The following CELF4 variants were observed in gnomAD, a reference collection of about 807,000 sequenced individuals.
CELF4 encodes the protein CUGBP Elav-like family member 4.
CELF4 carries 18 observed loss-of-function variants against 59.9 expected under a neutral mutation model. The observed-to-expected ratio is 0.30, with a 90% CI of 0.21 to 0.45. The LOEUF (loss-of-function observed/expected upper bound fraction) is 0.45, where lower values mean the gene tolerates loss of function less well. Ranked by LOEUF, CELF4 falls within the 20% of genes least tolerant of loss-of-function variation. The pLI is 1.00. For synonymous variants in CELF4, 261 were observed against 267.1 expected (o/e 0.98, Z 0.22); for missense variants, 456 against 689.0 (o/e 0.66, Z 3.79).
intron 1 of CELF4, among the ~76,000 whole-genome samples, chr18:37,537,843 G>T (rs2099974747): frequency 6.6e-6 from 1 of 152,214 alleles, no homozygotes; most frequent in Non-Finnish European, 1.5e-5. Context: ...GATTTCTCTC[G>T]TCCAACCAGG....
At chr18:37,271,335 AC>A (rs2091186823) in intron 7 of CELF4, among the ~76,000 whole-genome samples, 1 of 144,204 alleles carries the variant, frequency 6.9e-6, no homozygotes, top group Non-Finnish European at 1.5e-5. Flanking sequence ...GCTCACTGCA[AC>A]CTCCACCTCC....
At chr18:37,534,279 C>T (rs1040604098) in intron 1 of CELF4, among the ~76,000 whole-genome samples, 1 of 152,114 alleles carries the variant, frequency 6.6e-6, no homozygotes, top group African/African-American at 2.4e-5. Flanking sequence ...TGGCTGCATA[C>T]TGGGTGCTGG....
chr18:37,483,463 A>T (rs1317435343), intron 2 of CELF4, among the ~76,000 whole-genome samples: 1 of 151,160 alleles, frequency 6.6e-6, no homozygotes, highest in Admixed American at 6.6e-5. Context: ...GTTCGAGGGG[A>T]CTCTAGGCTA....
intron 3 of CELF4, among the ~76,000 whole-genome samples, chr18:37,297,386 C>G (rs764703759): frequency 6.6e-6 from 1 of 152,192 alleles, no homozygotes; most frequent in Non-Finnish European, 1.5e-5. Flanking sequence ...CAGCCTCTCA[C>G]GCTTTCACAT....
intron 2 of CELF4, among the ~76,000 whole-genome samples, chr18:37,405,898 C>A (rs946885459): frequency 4.6e-5 from 7 of 152,164 alleles, no homozygotes; most frequent in African/African-American, 1.7e-4. Flanking sequence ...CCCCTCCAGC[C>A]GGGAGTGGAA....
Position 37,275,250 on chromosome 18 carries a change from C to G in CELF4, c.449-7G>C, listed in dbSNP as rs1414787994. 2 of 1,613,072 alleles carry G rather than the reference C, an allele frequency of 1.2e-6. No individual in the cohort carries two copies. Among genetic ancestry groups the G allele is most frequent in the Non-Finnish European group, 1.7e-6 (2 of 1,179,734 alleles). On this transcript the variant is annotated splice_polypyrimidine_tract_variant and splice_region_variant and intron_variant, in intron 3 of 12. Transcript: ENST00000420428. ...ACGAAGAGTTTTCTATCTTCTAGAA[C>G]AAAATTAGGAGATGCTTACCCGGGC...
intron 9 of CELF4, among the ~76,000 whole-genome samples, chr18:37,265,252 G>A (rs779885353): frequency 2.0e-5 from 3 of 152,076 alleles, no homozygotes; most frequent in Non-Finnish European, 4.4e-5. Flanking sequence ...TGTGTACATG[G>A]TGTTAGTGCA....
rs561953175 is a variant in CELF4, at chr18:37,257,678, C to G, written c.1333+1503G>C. Among the ~76,000 whole-genome samples, 3 of 152,296 alleles carry G rather than the reference C, an allele frequency of 2.0e-5. No homozygotes were observed. The South Asian group carries it at 6.2e-4, about 32-fold the overall frequency. ...CTGTCTCCTCTCCCCTCCACCACCC[C>G]CAAGCTGTGACCTGGGTTCCTTGCA... is the stretch of plus-strand genomic sequence containing the variant. On this transcript the variant is annotated intron_variant, in intron 11 of 12. Coordinates refer to ENST00000420428, the MANE Select transcript of CELF4 (RefSeq NM_020180.4).
At chr18:37,449,148 A>C (rs1569569454) in intron 2 of CELF4, among the ~76,000 whole-genome samples, 2 of 152,216 alleles carry the variant, frequency 1.3e-5, no homozygotes, top group Non-Finnish European at 2.9e-5. Context: ...CTAGGTGTTC[A>C]TAGGAAAGAG....
At chr18:37,400,596 C>G (rs1264663349) in intron 2 of CELF4, among the ~76,000 whole-genome samples, 1 of 152,180 alleles carries the variant, frequency 6.6e-6, no homozygotes, top group African/African-American at 2.4e-5. Flanking sequence ...TATATTGGAG[C>G]ACTTAAAATA....
intron 3 of CELF4, among the ~76,000 whole-genome samples, chr18:37,310,787 C>A (rs1325799354): frequency 6.6e-6 from 1 of 152,184 alleles, no homozygotes; most frequent in Non-Finnish European, 1.5e-5. Flanking sequence ...TACACCAGGG[C>A]TCACTCTGTG....
At chr18:37,356,832 C>T (rs2098595646) in intron 2 of CELF4, among the ~76,000 whole-genome samples, 1 of 152,232 alleles carries the variant, frequency 6.6e-6, no homozygotes, top group Non-Finnish European at 1.5e-5. Context: ...TCTCTACCGG[C>T]AGCCTGGGTT....
chr18:37,324,826 G>C (rs2097249563), intron 2 of CELF4, among the ~76,000 whole-genome samples: 1 of 152,198 alleles, frequency 6.6e-6, no homozygotes. Context: ...TATGCAAATA[G>C]ATTATCTCTA....
At chr18:37,296,563 T>C (rs186488330) in intron 3 of CELF4, among the ~76,000 whole-genome samples, 5 of 152,200 alleles carry the variant, frequency 3.3e-5, no homozygotes, top group South Asian at 2.1e-4. Context: ...AGGACCCTCA[T>C]TGGTTTGAAA....
chr18:37,315,648 T>C (rs979927207), intron 3 of CELF4, among the ~76,000 whole-genome samples: 2 of 152,124 alleles, frequency 1.3e-5, no homozygotes, highest in African/African-American at 4.8e-5. Flanking sequence ...TGCCATGCAC[T>C]CATGGTCACT....
At chr18:37,528,035 G>T (rs920939148) in intron 1 of CELF4, among the ~76,000 whole-genome samples, 9 of 152,182 alleles carry the variant, frequency 5.9e-5, no homozygotes, top group Non-Finnish European at 8.8e-5. Flanking sequence ...GAGCTAAAAA[G>T]GTTCCTGACC....
intron 2 of CELF4, among the ~76,000 whole-genome samples, chr18:37,354,809 G>A (rs896524823): frequency 1.3e-5 from 2 of 152,184 alleles, no homozygotes; most frequent in Admixed American, 6.5e-5. Flanking sequence ...TGATGAACCT[G>A]TTTGCAAAAG....
At chr18:37,473,403 T>C (rs897727826) in intron 2 of CELF4, 1 of 152,242 alleles carries the variant, frequency 6.6e-6, no homozygotes, top group Non-Finnish European at 1.5e-5. Context: ...AGCTGTCTGC[T>C]GGCGTGGCAG....
At chr18:37,531,014 G>A (rs1299624219) in intron 1 of CELF4, among the ~76,000 whole-genome samples, 1 of 152,068 alleles carries the variant, frequency 6.6e-6, no homozygotes, top group Non-Finnish European at 1.5e-5. Context: ...GGGGTAAGCA[G>A]GTGTCTTATC....
Sources: allele counts gnomAD v4.1 joint callset (sites outside exome capture counted in the v4.1 genomes callset), GRCh38; gene constraint gnomAD v4.1.1; transcripts MANE v1.5; gene names NCBI Gene and HGNC (gene_info 2026-07-23, HGNC 2026-07-21).